ZNF335: variants seen among roughly 807,000 people sequenced by gnomAD.
ZNF335 encodes the protein NRC-interacting factor 1.
ZNF335 carries 84 observed loss-of-function variants against 145.6 expected under a neutral mutation model. The ratio of observed to expected loss-of-function variants is 0.58; its 90% CI spans 0.48 to 0.69. The LOEUF (loss-of-function observed/expected upper bound fraction) is 0.69, where lower values mean the gene tolerates loss of function less well. Among genes scored for constraint, ZNF335 ranks in the 30% least tolerant of loss-of-function variants. The probability of loss-of-function intolerance (pLI) is 0.00; values close to 1 mark genes in which losing one functional copy is unlikely to be tolerated. For missense variants in ZNF335, 1,865 were observed against 1,809.7 expected (o/e 1.03, Z -0.55); for synonymous variants, 761 against 717.0 (o/e 1.06, Z -0.98).
At chr20:45,967,212 C>T (rs2083971467) in intron 6 of ZNF335, 2 of 457,722 alleles carry the variant, frequency 4.4e-6, no homozygotes, top group Non-Finnish European at 4.0e-6. Flanking sequence ...TGCTACACTC[C>T]AGTCTGAGCA....
chr20:45,955,941 G>A (rs1054270759), intron 17 of ZNF335, among the ~76,000 whole-genome samples: 1 of 152,180 alleles, frequency 6.6e-6, no homozygotes, highest in Non-Finnish European at 1.5e-5. Context: ...GAACATCCAT[G>A]TGATCAAATG....
intron 6 of ZNF335, chr20:45,967,247 C>G (rs2083972316): frequency 1.8e-6 from 1 of 566,834 alleles, no homozygotes; most frequent in Admixed American, 3.1e-5. Flanking sequence ...TCCTCTCGCA[C>G]CTTTACTTGT....
chr20:45,965,542 C>T (rs572292239), intron 7 of ZNF335, 86 bp downstream of exon 7: 569 of 1,468,034 alleles, frequency 3.9e-4, no homozygotes, highest in Non-Finnish European at 5.0e-4. Context: ...AGGGCACACT[C>T]AGTCCCCAGA....
chr20:45,957,955 T>C, intron 15 of ZNF335, 27 bp from the exon 16 acceptor site: 1 of 1,583,624 alleles, frequency 6.3e-7, no homozygotes, highest in South Asian at 1.1e-5. Context: ...TGGCCACGCC[T>C]GAGAGGGGCC....
At position 45,965,782 on chromosome 20, in the gene ZNF335, G is replaced by C. The variant is rs779898911; in HGVS notation, c.956-8C>G. ...GATTATAGTCGCTATCCTCTGTGGG[G>C]GACAGTAAAGTTGGTGAACAGTGAG... On this transcript the variant is annotated splice_polypyrimidine_tract_variant and splice_region_variant and intron_variant, in intron 6 of 27. Transcript: ENST00000322927. The C allele has an allele frequency of 6.9e-6, 11 of 1,596,792 alleles. 1 individual carries two copies. In the South Asian group the frequency reaches 1.2e-4, roughly 18 times the overall value.
In ZNF335 at chr20:45,952,480, A is replaced by G; in HGVS notation, c.2856T>C (p.Ala952=). 6.4e-7 allele frequency: 1 copy of G among 1,565,464 alleles called. No individual in the cohort carries two copies. Among genetic ancestry groups the G allele is most frequent in the Non-Finnish European group, 8.7e-7 (1 of 1,152,094 alleles). The change falls in exon 20 of 28, where the codon GCT becomes GCC. Residue 952 remains alanine, a synonymous_variant. Coordinates refer to ENST00000322927, the MANE Select transcript of ZNF335 (RefSeq NM_022095.4). ...GGGGCCATTTGGCACCAGAGGCCAG[A>G]GCATCTGGACTTGGGAAGGAGATGG... ...DGSISFPSPD[A]LASGAKWPLL...
Position 45,950,571 on chromosome 20 carries a change from G to C in ZNF335, c.3214C>G (p.Leu1072Val), listed in dbSNP as rs1293519939. Residue 1072 changes from leucine (L) to valine (V), a missense_variant, in exon 21 of 28, where the codon CTA (leucine) becomes GTA (valine). Physicochemically the swap from Leu to Val is conservative, Grantham distance 32. Coordinates refer to ENST00000322927, the MANE Select transcript of ZNF335 (RefSeq NM_022095.4). Reference sequence around the variant, plus strand: ...CACTGGCTACACTGGTGGGGCCGTAGGCTTGAGTGCTGTGCCATGTGCGCC... The same window carrying C: ...CACTGGCTACACTGGTGGGGCCGTACGCTTGAGTGCTGTGCCATGTGCGCC... The part of the protein sequence containing the change: ...VRAHMAQHSS[L>V]RPHQCSQCSF... 6.2e-7 allele frequency: 1 copy of C among 1,613,982 alleles called. No individual in the cohort carries two copies. The highest frequency in any genetic ancestry group is 8.5e-7 in the Non-Finnish European group (1 of 1,180,040).
At chr20:45,967,469 A>C (rs1276730216) in intron 6 of ZNF335, 25 bp downstream of exon 6, 1 of 1,614,056 alleles carries the variant, frequency 6.2e-7, no homozygotes, top group Non-Finnish European at 8.5e-7. Flanking sequence ...TAGGGATGGC[A>C]GGCCTAGAAA....
In ZNF335 at chr20:45,952,131, A is replaced by G. The variant is rs2083644478; in HGVS notation, c.3189+16T>C. ...CAATGAATGACAGCAGAGACACAGG[A>G]GCAACCAGCACCTACCCGGACCTCG... On this transcript the variant is annotated intron_variant, in intron 20 of 27. Transcript: ENST00000322927. 6 of 1,573,062 alleles carry G rather than the reference A, an allele frequency of 3.8e-6. No homozygotes were observed. Among genetic ancestry groups the G allele is most frequent in the Non-Finnish European group, 5.2e-6 (6 of 1,158,194 alleles).
Position 45,950,233 on chromosome 20 carries a change from A to G in ZNF335, c.3473T>C (p.Leu1158Pro), listed in dbSNP as rs2083605343. The G allele has an allele frequency of 1.3e-6, 2 of 1,546,824 alleles. No individual in the cohort carries two copies. The highest frequency in any genetic ancestry group is 1.7e-6 in the Non-Finnish European group (2 of 1,146,420). ...GGGCAGCTCACTGTGCAGGGTGGCC[A>G]GTGTTTCGTCATCACTGTTCAGGAT... ...TIILNSDDET[L>P]ATLHTALQSS... The change falls in exon 22 of 28, where the codon CTG becomes CCG. Residue 1158 changes from leucine (L) to proline (P), a missense_variant. Physicochemically the swap from Leu to Pro is moderately conservative, Grantham distance 98 (BLOSUM62 -3). Coordinates refer to ENST00000322927, the MANE Select transcript of ZNF335 (RefSeq NM_022095.4).
chr20:45,964,214 G>C, intron 7 of ZNF335: 1 of 467,612 alleles, frequency 2.1e-6, no homozygotes, highest in Non-Finnish European at 3.6e-6. Context: ...GCCTGGATTA[G>C]AGCAACGGCG....
At chr20:45,960,392 A>G in intron 13 of ZNF335, 24 bp from the exon 14 acceptor site, 1 of 1,614,188 alleles carries the variant, frequency 6.2e-7, no homozygotes, top group Non-Finnish European at 8.5e-7. Flanking sequence ...GAGGGAGGGA[A>G]GCTCAGTAAT....
At chr20:45,958,597 C>T (rs111434827) in intron 15 of ZNF335, among the ~76,000 whole-genome samples, 5,390 of 152,306 alleles carry the variant, frequency 0.035, 179 homozygotes, top group African/African-American at 0.081. Flanking sequence ...CCTCTTCCCT[C>T]TTGCTAACAG....
At chr20:45,966,669 G>A (rs1277880617) in intron 6 of ZNF335, among the ~76,000 whole-genome samples, 31 of 148,456 alleles carry the variant, frequency 2.1e-4, no homozygotes, top group South Asian at 2.1e-4. Flanking sequence ...CTCCTGCCTC[G>A]GCTTCCCAAG....
Position 45,964,056 on chromosome 20 carries a change from C to T in ZNF335, c.1103-66G>A, listed in dbSNP as rs540283658. On this transcript the variant is annotated intron_variant, in intron 7 of 27. Transcript: ENST00000322927. ...ACCAGGACAGACGTGGACAAGTGGG[C>T]CAGAGGCCAGCCAAAATATCCTCCC... 2.7e-4 allele frequency: 397 copies of T among 1,495,776 alleles called. 3 individuals are homozygous for T. In the South Asian group the frequency reaches 4.9e-3, roughly 19 times the overall value. 92.7% of individuals were successfully genotyped at this position (1,495,776 alleles called of 1,614,324 possible).
chr20:45,952,014 T>A, intron 20 of ZNF335, 133 bp downstream of exon 20: 1 of 1,306,010 alleles, frequency 7.7e-7, no homozygotes, highest in Non-Finnish European at 1.0e-6. Flanking sequence ...CCTTGCGGAG[T>A]CATCTCTGAC....
Position 45,951,305 on chromosome 20 carries a change from C to G in ZNF335, c.3190-710G>C, listed in dbSNP as rs1015875966. ...CCTCTGGAGAGGATGCAGTGCATGA[C>G]TGGATCTGAAAACAAAATCCTCAGG... On this transcript the variant is annotated intron_variant, in intron 20 of 27. Coordinates refer to ENST00000322927, the MANE Select transcript of ZNF335 (RefSeq NM_022095.4). 7.9e-5 allele frequency among the ~76,000 whole-genome samples: 12 copies of G among 152,322 alleles called. No individual in the cohort carries two copies. The East Asian group carries it at 1.2e-3, about 15-fold the overall frequency.
Position 45,965,651 on chromosome 20 carries a change from A to C in ZNF335, c.1079T>G (p.Leu360Arg). 1 of 1,599,082 alleles carries C rather than the reference A, an allele frequency of 6.3e-7. No homozygotes were observed. Among genetic ancestry groups the C allele is most frequent in the Non-Finnish European group, 8.5e-7 (1 of 1,174,212 alleles). The change falls in exon 7 of 28, where the codon CTG (leucine) becomes CGG (arginine). Residue 360 changes from leucine to arginine, a missense_variant. Coordinates refer to ENST00000322927, the MANE Select transcript of ZNF335 (RefSeq NM_022095.4). ...ACCATCTGGGAGGTCTGAGATCTCC[A>C]GGCGGGGCAGCTTCCGGGGCCGGCC... ...RPGRPRKLPR[L>R]EISDLPDGVE...
intron 18 of ZNF335, among the ~76,000 whole-genome samples, chr20:45,953,182 G>A (rs897961545): frequency 6.6e-6 from 1 of 152,234 alleles, no homozygotes; most frequent in African/African-American, 2.4e-5. Context: ...GGCTTCCTCA[G>A]ATGGCCTAAG....
Sources: allele counts gnomAD v4.1 joint callset (sites outside exome capture counted in the v4.1 genomes callset), GRCh38; gene constraint gnomAD v4.1.1; transcripts MANE v1.5; gene names NCBI Gene and HGNC (gene_info 2026-07-23, HGNC 2026-07-21).